LSAMP: variants seen among roughly 807,000 people sequenced by gnomAD.
LSAMP encodes limbic system-associated membrane protein.
A neutral mutation model predicts 38.6 loss-of-function variants in LSAMP; 7 were observed. That is an observed-to-expected ratio of 0.18 (90% CI 0.10 to 0.34). LSAMP has a LOEUF of 0.34. Ranked by LOEUF, LSAMP falls within the 10% of genes least tolerant of loss-of-function variation. LSAMP has a pLI of 1.00. For synonymous variants in LSAMP, 154 were observed against 166.8 expected, an observed-to-expected ratio of 0.92 and a Z score of 0.59; for missense variants, 313 against 420.0, an observed-to-expected ratio of 0.75 and a Z score of 2.23.
chr3:116,154,058 G>A (rs1023828068), intron 1 of LSAMP, among the ~76,000 whole-genome samples: 7 of 152,056 alleles, frequency 4.6e-5, no homozygotes, highest in Admixed American at 4.6e-4. Context: ...GAGTTATCCT[G>A]AGCCTATGTA....
chr3:116,158,819 T>A (rs985635130), intron 1 of LSAMP, among the ~76,000 whole-genome samples: 1 of 152,020 alleles, frequency 6.6e-6, no homozygotes, highest in African/African-American at 2.4e-5. Context: ...AAACTACCAA[T>A]GACACTCTTC....
intron 1 of LSAMP, among the ~76,000 whole-genome samples, chr3:116,309,235 C>T (rs1458568151): frequency 6.6e-6 from 1 of 152,064 alleles, no homozygotes; most frequent in African/African-American, 2.4e-5. Flanking sequence ...ATTTCATAGA[C>T]ATGCTGAGGC....
At chr3:116,080,653 G>A (rs1707852137) in intron 2 of LSAMP, among the ~76,000 whole-genome samples, 1 of 152,222 alleles carries the variant, frequency 6.6e-6, no homozygotes, top group Non-Finnish European at 1.5e-5. Flanking sequence ...GATGTGAATA[G>A]TGAAGTCTTT....
intron 1 of LSAMP, among the ~76,000 whole-genome samples, chr3:116,316,650 A>G (rs1309795143): frequency 1.3e-5 from 2 of 151,996 alleles, no homozygotes; most frequent in African/African-American, 2.4e-5. Context: ...GGGTGCCTGT[A>G]ATCCCAGCTA....
chr3:116,036,991 T>C (rs1941062288), intron 2 of LSAMP, among the ~76,000 whole-genome samples: 1 of 152,212 alleles, frequency 6.6e-6, no homozygotes, highest in African/African-American at 2.4e-5. Context: ...GATCTTTTTT[T>C]CTTCCTCCAG....
chr3:116,219,307 T>G (rs1366762744), intron 1 of LSAMP, among the ~76,000 whole-genome samples: 1 of 152,204 alleles, frequency 6.6e-6, no homozygotes, highest in Non-Finnish European at 1.5e-5. Flanking sequence ...TGAATAGTAT[T>G]CCATTGTATG....
chr3:115,821,587 A>C (rs1213918050), intron 6 of LSAMP, among the ~76,000 whole-genome samples: 2 of 152,226 alleles, frequency 1.3e-5, no homozygotes, highest in African/African-American at 4.8e-5. Context: ...GTCTTTCTAT[A>C]AGGCTAACCC....
chr3:116,181,681 A>C (rs957612351), intron 1 of LSAMP, among the ~76,000 whole-genome samples: 1 of 152,016 alleles, frequency 6.6e-6, no homozygotes, highest in African/African-American at 2.4e-5. Context: ...ACTTTCAGAC[A>C]AATTATTGTT....
In LSAMP at chr3:116,168,127, T is replaced by C. The variant is rs559152466; in HGVS notation, c.156-81571A>G. 7.9e-3 allele frequency among the ~76,000 whole-genome samples: 1,204 copies of C among 152,322 alleles called. 12 individuals carry two copies. Among genetic ancestry groups the C allele is most frequent in the Middle Eastern group, 0.027 (8 of 294 alleles). ...TATATTGGTGGAAATAAACAAGTTATTCAAATTGTTCCTTTTTCTAAATAA... is the reference window on the plus strand; with the variant it reads ...TATATTGGTGGAAATAAACAAGTTACTCAAATTGTTCCTTTTTCTAAATAA... On this transcript the variant is annotated intron_variant, in intron 1 of 6. Transcript: ENST00000490035.
At chr3:116,167,275 G>C (rs1328332589) in intron 1 of LSAMP, among the ~76,000 whole-genome samples, 1 of 151,964 alleles carries the variant, frequency 6.6e-6, no homozygotes, top group African/African-American at 2.4e-5. Flanking sequence ...AGTCCCCAAA[G>C]TCCATTATAT....
At chr3:116,228,086 G>A (rs1342497095) in intron 1 of LSAMP, among the ~76,000 whole-genome samples, 2 of 152,058 alleles carry the variant, frequency 1.3e-5, no homozygotes, top group Non-Finnish European at 2.9e-5. Flanking sequence ...TGGGAGAGAG[G>A]AAGGACATCA....
chr3:116,368,718 C>T (rs2048390599), intron 1 of LSAMP, among the ~76,000 whole-genome samples: 1 of 152,102 alleles, frequency 6.6e-6, no homozygotes, highest in African/African-American at 2.4e-5. Flanking sequence ...TGGGATTCAC[C>T]AGCTATAAGT....
At chr3:116,139,157 T>C (rs532359503) in intron 1 of LSAMP, among the ~76,000 whole-genome samples, 38 of 152,072 alleles carry the variant, frequency 2.5e-4, no homozygotes, top group African/African-American at 8.7e-4. Context: ...AACAGTACTT[T>C]TAAATTTTTA....
At chr3:116,287,663 T>G (rs1054311685) in intron 1 of LSAMP, among the ~76,000 whole-genome samples, 1 of 152,170 alleles carries the variant, frequency 6.6e-6, no homozygotes, top group Non-Finnish European at 1.5e-5. Context: ...TGTTAAAATA[T>G]TCTCTCCTTA....
At chr3:116,190,623 G>A (rs1710734431) in intron 1 of LSAMP, among the ~76,000 whole-genome samples, 1 of 152,112 alleles carries the variant, frequency 6.6e-6, no homozygotes, top group African/African-American at 2.4e-5. Flanking sequence ...ATGCATCATA[G>A]ACAGTGGAAA....
chr3:116,182,376 C>T, intron 1 of LSAMP, among the ~76,000 whole-genome samples: 1 of 150,698 alleles, frequency 6.6e-6, no homozygotes, highest in East Asian at 1.9e-4. Flanking sequence ...ATATATTGAA[C>T]TTATATATAT....
intron 1 of LSAMP, among the ~76,000 whole-genome samples, chr3:116,284,045 C>T (rs905481338): frequency 7.9e-5 from 12 of 152,102 alleles, no homozygotes; most frequent in African/African-American, 1.2e-4. Context: ...ATAGTCTCAA[C>T]TTATTTCTTT....
intron 3 of LSAMP, among the ~76,000 whole-genome samples, chr3:115,887,160 T>C (rs971399824): frequency 6.6e-6 from 1 of 151,920 alleles, no homozygotes; most frequent in African/African-American, 2.4e-5. Flanking sequence ...ATTTTCATGT[T>C]TTAGCAAATT....
chr3:116,429,306 TAGTA>T (rs1377284515), intron 1 of LSAMP, among the ~76,000 whole-genome samples: 1 of 152,152 alleles, frequency 6.6e-6, no homozygotes, highest in Non-Finnish European at 1.5e-5. Context: ...TGCATACAAA[TAGTA>T]AGAAAGCAAA....
Sources: allele counts gnomAD v4.1 joint callset (sites outside exome capture counted in the v4.1 genomes callset), GRCh38; gene constraint gnomAD v4.1.1; transcripts MANE v1.5; gene names NCBI Gene and HGNC (gene_info 2026-07-23, HGNC 2026-07-21).